The following SLC9A9 variants were observed in gnomAD, a reference collection of about 807,000 sequenced individuals.
The protein encoded by SLC9A9 is solute carrier family 9 member A9.
SLC9A9 carries 62 observed loss-of-function variants against 77.8 expected under a neutral mutation model. The ratio of observed to expected loss-of-function variants is 0.80; its 90% CI spans 0.65 to 0.98. The LOEUF (loss-of-function observed/expected upper bound fraction) is 0.98, where lower values mean the gene tolerates loss of function less well. Ranked by LOEUF, SLC9A9 falls within the 50% of genes least tolerant of loss-of-function variation. The probability of loss-of-function intolerance (pLI) is 0.00; values close to 1 mark genes in which losing one functional copy is unlikely to be tolerated. For missense variants in SLC9A9, 775 were observed against 774.9 expected, an observed-to-expected ratio of 1.00 and a Z score of 0.00; for synonymous variants, 320 against 283.5, an observed-to-expected ratio of 1.13 and a Z score of -1.29.
chr3:143,812,457 AAAATGTATTGT>A, intron 2 of SLC9A9, among the ~76,000 whole-genome samples: 1 of 152,236 alleles, frequency 6.6e-6, no homozygotes, highest in African/African-American at 2.4e-5. Flanking sequence ...GCTGTGCTCA[AAAATGTATTGT>A]CAAGTCAAAA....
intron 1 of SLC9A9, among the ~76,000 whole-genome samples, chr3:143,842,801 A>G (rs2009740376): frequency 6.6e-6 from 1 of 152,198 alleles, no homozygotes; most frequent in Non-Finnish European, 1.5e-5. Context: ...AACACTAACT[A>G]AAATCTTGTC....
chr3:143,626,658 C>T (rs957000211), intron 6 of SLC9A9: 4 of 151,892 alleles, frequency 2.6e-5, no homozygotes, highest in Non-Finnish European at 5.9e-5. Context: ...GGAGATATAC[C>T]TAATGTTAAA....
intron 4 of SLC9A9, among the ~76,000 whole-genome samples, chr3:143,730,699 C>T (rs923975568): frequency 6.6e-6 from 1 of 152,112 alleles, no homozygotes; most frequent in African/African-American, 2.4e-5. Context: ...AATTTATCTT[C>T]ATAAATTTCG....
At chr3:143,368,473 C>T (rs1338261733) in intron 13 of SLC9A9, among the ~76,000 whole-genome samples, 1 of 152,128 alleles carries the variant, frequency 6.6e-6, no homozygotes, top group Admixed American at 6.5e-5. Flanking sequence ...ATGAACTCTG[C>T]TTTGGGATAA....
At chr3:143,502,792 T>C (rs1162685508) in intron 9 of SLC9A9, among the ~76,000 whole-genome samples, 2 of 152,190 alleles carry the variant, frequency 1.3e-5, no homozygotes, top group East Asian at 1.9e-4. Flanking sequence ...TTAAATGAAA[T>C]GGTTATTTTC....
chr3:143,820,792 T>C (rs991990672), intron 2 of SLC9A9, among the ~76,000 whole-genome samples: 1 of 150,566 alleles, frequency 6.6e-6, no homozygotes, highest in Non-Finnish European at 1.5e-5. Context: ...CTTTCTTTTT[T>C]CCAATCTAGA....
At chr3:143,418,603 A>C (rs1049159614) in intron 12 of SLC9A9, among the ~76,000 whole-genome samples, 1 of 152,174 alleles carries the variant, frequency 6.6e-6, no homozygotes, top group South Asian at 2.1e-4. Flanking sequence ...AGTGTGAAAC[A>C]AAGTCCTCAG....
intron 6 of SLC9A9, among the ~76,000 whole-genome samples, chr3:143,637,316 A>C (rs73152841): frequency 0.019 from 2,864 of 152,338 alleles, 37 homozygotes; most frequent in South Asian, 0.043. Flanking sequence ...GAAATGAAAA[A>C]TTTACAGATG....
rs142852367 is a variant in SLC9A9 at position 143,630,123 on chromosome 3, C to CA, written c.755+22131dup. Among the ~76,000 whole-genome samples the CA allele has an allele frequency of 6.2e-3, 943 of 152,194 alleles. 11 individuals are homozygous for CA. The highest frequency in any genetic ancestry group is 0.021 in the African/African-American group (867 of 41,526). On this transcript the variant is annotated intron_variant, in intron 6 of 15. Transcript: ENST00000316549. ...GGGGAAAAAGAGAAAAAAAAACTGACAGACAACCTTTTGTTATTCTTTATA... is the reference window on the plus strand; with the variant it reads ...GGGGAAAAAGAGAAAAAAAAACTGACAAGACAACCTTTTGTTATTCTTTATA...
At chr3:143,347,508 T>C (rs1214745302) in intron 14 of SLC9A9, among the ~76,000 whole-genome samples, 1 of 152,146 alleles carries the variant, frequency 6.6e-6, no homozygotes, top group Non-Finnish European at 1.5e-5. Context: ...AGAAATTAGA[T>C]GGGAACTACA....
At chr3:143,615,030 C>T (rs546143700) in intron 6 of SLC9A9, among the ~76,000 whole-genome samples, 4 of 152,270 alleles carry the variant, frequency 2.6e-5, no homozygotes, top group African/African-American at 9.6e-5. Flanking sequence ...AGCATGGCTT[C>T]TCCAGGGGTG....
chr3:143,418,080 T>C lies in SLC9A9; in HGVS notation c.1470-35966A>G, dbSNP rs1366271359. On this transcript the variant is annotated intron_variant, in intron 12 of 15. Transcript: ENST00000316549. ...TACAAATCTATGTCAAAAGTTGGCATACAAATCTCTGGACCAGATGCCCAG... is the reference window on the plus strand; with the variant it reads ...TACAAATCTATGTCAAAAGTTGGCACACAAATCTCTGGACCAGATGCCCAG... 4.0e-5 allele frequency among the ~76,000 whole-genome samples: 6 copies of C among 150,808 alleles called. No individual in the cohort carries two copies. In the East Asian group the frequency reaches 1.2e-3, roughly 30 times the overall value.
intron 13 of SLC9A9, among the ~76,000 whole-genome samples, chr3:143,366,140 G>A (rs1351638457): frequency 7.9e-5 from 12 of 152,180 alleles, no homozygotes; most frequent in African/African-American, 2.7e-4. Context: ...ATCAGGGGCC[G>A]GGATTCTGGC....
intron 14 of SLC9A9, among the ~76,000 whole-genome samples, chr3:143,292,085 C>T (rs574766018): frequency 3.3e-5 from 5 of 152,180 alleles, no homozygotes; most frequent in Non-Finnish European, 5.9e-5. Flanking sequence ...TGGCCATGAG[C>T]CAGGAGCTTT....
intron 12 of SLC9A9, among the ~76,000 whole-genome samples, chr3:143,419,302 G>A (rs898012950): frequency 6.6e-6 from 1 of 152,116 alleles, no homozygotes; most frequent in African/African-American, 2.4e-5. Context: ...ATTTTGCAGG[G>A]GGGGCACAGA....
intron 9 of SLC9A9, among the ~76,000 whole-genome samples, chr3:143,505,322 C>A (rs76372910): frequency 1.3e-3 from 199 of 152,270 alleles, no homozygotes; most frequent in African/African-American, 4.7e-3. Flanking sequence ...CCAATTTCTT[C>A]TTCAGACAAA....
chr3:143,764,451 A>C (rs1359646053), intron 4 of SLC9A9, among the ~76,000 whole-genome samples: 1 of 152,196 alleles, frequency 6.6e-6, no homozygotes, highest in African/African-American at 2.4e-5. Flanking sequence ...CTGCCCTCAG[A>C]GTAACTTTTG....
intron 12 of SLC9A9, among the ~76,000 whole-genome samples, chr3:143,407,946 G>C (rs1021684788): frequency 6.6e-6 from 1 of 152,164 alleles, no homozygotes; most frequent in African/African-American, 2.4e-5. Flanking sequence ...TCACAGTTCT[G>C]AGGATTGGGA....
At chr3:143,809,914 G>C (rs1240504730) in intron 2 of SLC9A9, among the ~76,000 whole-genome samples, 1 of 152,104 alleles carries the variant, frequency 6.6e-6, no homozygotes, top group Non-Finnish European at 1.5e-5. Flanking sequence ...TTTATAGATG[G>C]TTACTAGAAT....
Sources: allele counts gnomAD v4.1 joint callset (sites outside exome capture counted in the v4.1 genomes callset), GRCh38; gene constraint gnomAD v4.1.1; transcripts MANE v1.5; gene names NCBI Gene and HGNC (gene_info 2026-07-23, HGNC 2026-07-21).